The following SV2C variants were observed in gnomAD, a reference collection of about 807,000 sequenced individuals.
The protein encoded by SV2C is solute carrier family 22 member B3.
A neutral mutation model predicts 79.7 loss-of-function variants in SV2C; 49 were observed. The ratio of observed to expected loss-of-function variants is 0.61; its 90% CI spans 0.49 to 0.78. The LOEUF is 0.78. Among genes scored for constraint, SV2C ranks in the 30% least tolerant of loss-of-function variants. The pLI is 0.00. For synonymous variants in SV2C, 334 were observed against 333.2 expected (o/e 1.00, Z -0.03); for missense variants, 833 against 912.9 (o/e 0.91, Z 1.13).
chr5:75,988,905 G>A, the SV2C span, among the ~76,000 whole-genome samples: 2 of 151,870 alleles, frequency 1.3e-5, no homozygotes, highest in Non-Finnish European at 2.9e-5. Context: ...GGTACCAGAT[G>A]AATCTGCAAA....
chr5:75,971,501 A>G, the SV2C span, among the ~76,000 whole-genome samples: 8 of 152,110 alleles, frequency 5.3e-5, no homozygotes, highest in Admixed American at 6.5e-5. Context: ...ATCAATGTGC[A>G]AAAATCACAA....
the SV2C span, among the ~76,000 whole-genome samples, chr5:75,907,148 T>A: frequency 1.3e-5 from 2 of 152,230 alleles, no homozygotes; most frequent in African/African-American, 4.8e-5. Flanking sequence ...TGGGGCCAAA[T>A]GACCAACCCC....
the SV2C span, among the ~76,000 whole-genome samples, chr5:76,059,038 T>C: frequency 3.9e-5 from 6 of 152,116 alleles, no homozygotes; most frequent in African/African-American, 1.4e-4. Flanking sequence ...TATACTATAT[T>C]CTAGTCTATT....
chr5:75,929,246 C>T, the SV2C span, among the ~76,000 whole-genome samples: 1 of 151,998 alleles, frequency 6.6e-6, no homozygotes, highest in Non-Finnish European at 1.5e-5. Context: ...CTGAGTCTCC[C>T]TGTGCCCAGC....
chr5:76,008,668 C>T, the SV2C span, among the ~76,000 whole-genome samples: 1 of 152,154 alleles, frequency 6.6e-6, no homozygotes, highest in Non-Finnish European at 1.5e-5. Context: ...TGAGTTATGG[C>T]AGGAGCCTAC....
At chr5:76,216,235 C>T (rs192179797) in intron 4 of SV2C, among the ~76,000 whole-genome samples, 11 of 152,162 alleles carry the variant, frequency 7.2e-5, no homozygotes, top group East Asian at 3.9e-4. Context: ...AAATTTTCCC[C>T]GGAGACAGAT....
In SV2C at chr5:76,286,137, G is replaced by A. The variant is rs185443720; in HGVS notation, c.1137+267G>A. Among the ~76,000 whole-genome samples, 290 of 152,242 alleles carry A rather than the reference G, an allele frequency of 1.9e-3. 9 individuals are homozygous for A. The highest frequency in any genetic ancestry group is 0.015 in the Admixed American group (234 of 15,294). ...CCTTGCTTATGCCTATCTAGGACTC[G>A]AGGGCTCTGTGGTTGGTTAAATGAT... On this transcript the variant is annotated intron_variant, in intron 6 of 12. Coordinates refer to ENST00000502798, the MANE Select transcript of SV2C (RefSeq NM_014979.4).
In SV2C at chr5:76,166,969, C is replaced by T. The variant is rs117646007; in HGVS notation, c.581-27950C>T. ...ACTTGACATGGGTAGAGAAGAATTA[C>T]AGCACTTAAAGGAAGTCAAGCCATT... On this transcript the variant is annotated intron_variant, in intron 2 of 12. Coordinates refer to ENST00000502798, the MANE Select transcript of SV2C (RefSeq NM_014979.4). 2.1e-3 allele frequency among the ~76,000 whole-genome samples: 313 copies of T among 152,272 alleles called. 14 individuals carry two copies. In the East Asian group the frequency reaches 0.058, roughly 28 times the overall value.
chr5:76,116,512 C>T (rs1318032295), intron 1 of SV2C, among the ~76,000 whole-genome samples: 3 of 152,194 alleles, frequency 2.0e-5, no homozygotes, highest in South Asian at 2.1e-4. Context: ...CCCTAAGCCT[C>T]GCCTTCTGGG....
intron 4 of SV2C, among the ~76,000 whole-genome samples, chr5:76,226,260 T>TGA (rs1215137097): frequency 1.3e-5 from 2 of 151,388 alleles, no homozygotes. Flanking sequence ...CTTGACAATT[T>TGA]AAGACTGAGA....
the SV2C span, among the ~76,000 whole-genome samples, chr5:76,066,669 C>T: frequency 6.6e-6 from 1 of 151,938 alleles, no homozygotes; most frequent in Non-Finnish European, 1.5e-5. Flanking sequence ...ATATGTTCCT[C>T]CCTGTTTTAA....
At chr5:76,270,472 A>G (rs1207179009) in intron 4 of SV2C, among the ~76,000 whole-genome samples, 2 of 152,212 alleles carry the variant, frequency 1.3e-5, no homozygotes, top group Non-Finnish European at 2.9e-5. Flanking sequence ...AAAGCCTGAG[A>G]GTGGGCTGGA....
chr5:76,110,188 G>A (rs1451112398), intron 1 of SV2C, among the ~76,000 whole-genome samples: 1 of 152,196 alleles, frequency 6.6e-6, no homozygotes, highest in Non-Finnish European at 1.5e-5. Flanking sequence ...GAATAGGGGA[G>A]AAGCTATGGG....
At chr5:76,304,761 C>T (rs895708109) in intron 12 of SV2C, among the ~76,000 whole-genome samples, 7 of 152,132 alleles carry the variant, frequency 4.6e-5, no homozygotes, top group African/African-American at 1.7e-4. Flanking sequence ...TGTGAAGCCT[C>T]TTTTATGAGG....
intron 12 of SV2C, among the ~76,000 whole-genome samples, chr5:76,343,596 C>T (rs1207139622): frequency 6.6e-6 from 1 of 152,222 alleles, no homozygotes; most frequent in Non-Finnish European, 1.5e-5. Context: ...CACCAAGGAA[C>T]TCCCACTGCT....
At position 76,236,499 on chromosome 5, in the gene SV2C, T is replaced by G. The variant is rs1579972994; in HGVS notation, c.913+26612T>G. On this transcript the variant is annotated intron_variant, in intron 4 of 12. Transcript: ENST00000502798. ...ATCACTTGAACCCAGGGGGCAGAGG[T>G]TGCAATGATCCAAGATCGCATCACT... 4.0e-5 allele frequency among the ~76,000 whole-genome samples: 6 copies of G among 151,772 alleles called. 1 individual carries two copies. In the South Asian group the frequency reaches 1.3e-3, roughly 32 times the overall value.
chr5:75,962,036 G>T, the SV2C span, among the ~76,000 whole-genome samples: 1 of 152,062 alleles, frequency 6.6e-6, no homozygotes, highest in South Asian at 2.1e-4. Flanking sequence ...CATTAGCAGT[G>T]ACACAGCCCA....
intron 2 of SV2C, among the ~76,000 whole-genome samples, chr5:76,191,090 G>A (rs4704292): frequency 0.62 from 90,600 of 147,280 alleles, 28,024 homozygotes; most frequent in African/African-American, 0.82. Flanking sequence ...AAGCGTGGCT[G>A]GGGAGGCCTC....
At chr5:75,899,007 T>G in the SV2C span, among the ~76,000 whole-genome samples, 1 of 152,216 alleles carries the variant, frequency 6.6e-6, no homozygotes, top group East Asian at 1.9e-4. Flanking sequence ...TGTTGATCCT[T>G]TCAAAAAACC....
Sources: gnomAD v4.1 joint callset for allele counts (sites outside exome capture counted in the v4.1 genomes callset) on GRCh38, gnomAD v4.1.1 for gene constraint, MANE v1.5 for transcripts, NCBI Gene and HGNC (gene_info 2026-07-23, HGNC 2026-07-21) for gene names.